The following TMC1 variants were observed in gnomAD, a reference collection of about 807,000 sequenced individuals.
The protein encoded by TMC1 is transmembrane channel like 1, also known as transmembrane channel-like protein 1.
TMC1 carries 84 observed loss-of-function variants against 105.8 expected under a neutral mutation model. The observed-to-expected ratio is 0.79, with a 90% CI of 0.67 to 0.95. TMC1 has a LOEUF of 0.95. Among genes scored for constraint, TMC1 ranks in the 40% least tolerant of loss-of-function variants. The probability of loss-of-function intolerance (pLI) is 0.00; values close to 1 mark genes in which losing one functional copy is unlikely to be tolerated. For synonymous variants in TMC1, 315 were observed against 311.5 expected, an observed-to-expected ratio of 1.01 and a Z score of -0.12; for missense variants, 817 against 914.1, an observed-to-expected ratio of 0.89 and a Z score of 1.37.
chr9:72,704,857 G>A (rs1036961769), intron 8 of TMC1, among the ~76,000 whole-genome samples: 3 of 152,076 alleles, frequency 2.0e-5, no homozygotes, highest in African/African-American at 7.2e-5. Context: ...AATGAAAGCT[G>A]CTGTTTTCAA....
chr9:72,524,959 A>G (rs1260897138), intron 1 of TMC1, among the ~76,000 whole-genome samples: 1 of 152,206 alleles, frequency 6.6e-6, no homozygotes, highest in African/African-American at 2.4e-5. Context: ...GGAGCAGATC[A>G]CCACACACCT....
At chr9:72,678,545 A>G (rs973311168) in intron 5 of TMC1, among the ~76,000 whole-genome samples, 2 of 152,084 alleles carry the variant, frequency 1.3e-5, no homozygotes, top group African/African-American at 4.8e-5. Context: ...AATAACTATC[A>G]TATTATATTA....
At chr9:72,739,931 G>C (rs1280661414) in intron 8 of TMC1, among the ~76,000 whole-genome samples, 188 bp from the exon 9 acceptor site, 6 of 152,076 alleles carry the variant, frequency 3.9e-5, no homozygotes, top group Non-Finnish European at 8.8e-5. Flanking sequence ...TACTCTTCCT[G>C]GTCAGCATTT....
intron 5 of TMC1, among the ~76,000 whole-genome samples, chr9:72,680,223 C>G (rs1234628907): frequency 6.6e-6 from 1 of 151,980 alleles, no homozygotes; most frequent in East Asian, 1.9e-4. Context: ...CTAACTTCCT[C>G]TAGGATATAA....
At chr9:72,765,072 T>A (rs111618688) in intron 12 of TMC1, among the ~76,000 whole-genome samples, 4 of 152,198 alleles carry the variant, frequency 2.6e-5, no homozygotes, top group African/African-American at 4.8e-5. Context: ...GGGCAAAAAA[T>A]TTTTCCACAT....
intron 13 of TMC1, among the ~76,000 whole-genome samples, chr9:72,784,152 A>G (rs1828133919): frequency 6.6e-6 from 1 of 152,152 alleles, no homozygotes. Context: ...TGAGAAAAAT[A>G]TTTGCAAACT....
At chr9:72,811,632 G>A (rs1041607513) in intron 18 of TMC1, among the ~76,000 whole-genome samples, 4 of 152,142 alleles carry the variant, frequency 2.6e-5, no homozygotes, top group African/African-American at 9.7e-5. Flanking sequence ...TAGATTCAGG[G>A]CATGATGGGG....
At chr9:72,545,149 CACACACACACACATATAT>C (rs1404570131) in intron 1 of TMC1, among the ~76,000 whole-genome samples, 2 of 151,442 alleles carry the variant, frequency 1.3e-5, no homozygotes, top group East Asian at 1.9e-4. Flanking sequence ...CACACACACA[CACACACACACACATATAT>C]ACACACACAC....
chr9:72,707,915 C>A (rs898606616), intron 8 of TMC1, among the ~76,000 whole-genome samples: 1 of 152,098 alleles, frequency 6.6e-6, no homozygotes, highest in Admixed American at 6.5e-5. Flanking sequence ...AGTCCTTGAT[C>A]CATTTTGAGT....
intron 1 of TMC1, among the ~76,000 whole-genome samples, chr9:72,536,730 G>T (rs955989475): frequency 1.3e-5 from 2 of 152,188 alleles, no homozygotes; most frequent in African/African-American, 4.8e-5. Context: ...GCCTTAGGCA[G>T]CCCCACTCTT....
intron 1 of TMC1, among the ~76,000 whole-genome samples, chr9:72,576,031 G>C (rs921281577): frequency 1.3e-5 from 2 of 152,254 alleles, no homozygotes; most frequent in African/African-American, 4.8e-5. Context: ...GTTTTTGATG[G>C]TAATGTCTGC....
intron 8 of TMC1, among the ~76,000 whole-genome samples, chr9:72,725,343 A>ATATATATG (rs2117961684): frequency 2.1e-5 from 2 of 94,482 alleles, no homozygotes; most frequent in South Asian, 8.3e-4. Flanking sequence ...ATATATATAT[A>ATATATATG]TATATATATA....
At chr9:72,605,585 T>G (rs912035830) in intron 2 of TMC1, among the ~76,000 whole-genome samples, 1 of 150,738 alleles carries the variant, frequency 6.6e-6, no homozygotes, top group Non-Finnish European at 1.5e-5. Flanking sequence ...ATTTTTTTTT[T>G]TTTTTTTTGA....
At chr9:72,653,683 A>G (rs1163969244) in intron 5 of TMC1, among the ~76,000 whole-genome samples, 1 of 152,200 alleles carries the variant, frequency 6.6e-6, no homozygotes, top group African/African-American at 2.4e-5. Flanking sequence ...ACAAATGTAT[A>G]TACATTATAA....
At chr9:72,789,669 T>G (rs568310089) in intron 15 of TMC1, among the ~76,000 whole-genome samples, 1 of 152,342 alleles carries the variant, frequency 6.6e-6, no homozygotes, top group South Asian at 2.1e-4. Flanking sequence ...AACCTAGGAA[T>G]CTTGACTTCG....
intron 4 of TMC1, among the ~76,000 whole-genome samples, chr9:72,639,324 G>T (rs182120575): frequency 1.2e-4 from 19 of 152,062 alleles, no homozygotes; most frequent in Admixed American, 1.2e-3. Flanking sequence ...CTAACCATGG[G>T]CTTAAGAAAG....
At chr9:72,535,435 T>G (rs2132060365) in intron 1 of TMC1, among the ~76,000 whole-genome samples, 1 of 152,342 alleles carries the variant, frequency 6.6e-6, no homozygotes, top group Non-Finnish European at 1.5e-5. Flanking sequence ...GCATATAACC[T>G]TGCTCTTTTC....
At chr9:72,663,510 C>G (rs533177896) in intron 5 of TMC1, among the ~76,000 whole-genome samples, 7 of 152,248 alleles carry the variant, frequency 4.6e-5, no homozygotes, top group Admixed American at 6.5e-5. Flanking sequence ...AAACTATAAA[C>G]TAAGTTCCTC....
chr9:72,806,809 A>T (rs1828603108), intron 18 of TMC1, among the ~76,000 whole-genome samples: 1 of 151,106 alleles, frequency 6.6e-6, no homozygotes, highest in South Asian at 2.1e-4. Context: ...GGCTCCTCAC[A>T]TCCCAGACGA....
Sources: allele counts gnomAD v4.1 joint callset (sites outside exome capture counted in the v4.1 genomes callset), GRCh38; gene constraint gnomAD v4.1.1; transcripts MANE v1.5; gene names NCBI Gene and HGNC (gene_info 2026-07-23, HGNC 2026-07-21).